Variants in RP1 observed in about 807,000 individuals in gnomAD.
RP1 encodes the protein RP1 axonemal microtubule associated.
In RP1, 16 loss-of-function variants were observed where a neutral mutation model predicts 14.8. The ratio of observed to expected loss-of-function variants is 1.08; its 90% CI spans 0.73 to 1.65. The LOEUF (loss-of-function observed/expected upper bound fraction) is 1.65. Ranked by LOEUF, RP1 falls within the 40% of genes most tolerant of loss-of-function variation. RP1 has a pLI of 0.00. For missense variants in RP1, 2,631 were observed against 2,535.0 expected (o/e 1.04, Z -0.81); for synonymous variants, 876 against 883.6 (o/e 0.99, Z 0.15).
chr8:54,687,794 A>G (rs183078025), intron 12 of RP1, among the ~76,000 whole-genome samples: 1 of 152,230 alleles, frequency 6.6e-6, no homozygotes, highest in African/African-American at 2.4e-5. Context: ...TCTTTATAGC[A>G]GAATGACTTA....
At chr8:54,822,439 A>G (rs1004407081) in intron 24 of RP1, among the ~76,000 whole-genome samples, 2 of 152,222 alleles carry the variant, frequency 1.3e-5, no homozygotes, top group Non-Finnish European at 2.9e-5. Context: ...AGAAAAAACA[A>G]ATTATTAACA....
At chr8:54,782,432 A>G (rs1246088200) in intron 23 of RP1, among the ~76,000 whole-genome samples, 1 of 152,208 alleles carries the variant, frequency 6.6e-6, no homozygotes, top group East Asian at 1.9e-4. Context: ...AGAAAATCAC[A>G]TCTTAATGAA....
At chr8:54,570,685 C>T (rs542398977) in intron 1 of RP1, among the ~76,000 whole-genome samples, 103 of 151,230 alleles carry the variant, frequency 6.8e-4, no homozygotes, top group Non-Finnish European at 1.1e-3. Context: ...AACAAACACA[C>T]GGAACACATT....
chr8:54,707,321 G>A (rs1808175359), intron 15 of RP1, among the ~76,000 whole-genome samples: 1 of 151,854 alleles, frequency 6.6e-6, no homozygotes, highest in African/African-American at 2.4e-5. Context: ...AGAGGGTCTC[G>A]CCATGTTGCC....
intron 27 of RP1, among the ~76,000 whole-genome samples, chr8:54,862,096 A>T (rs1379719364): frequency 6.6e-6 from 1 of 152,122 alleles, no homozygotes; most frequent in Non-Finnish European, 1.5e-5. Context: ...ACCACAAGAG[A>T]GTCACACAAC....
intron 12 of RP1, among the ~76,000 whole-genome samples, chr8:54,691,610 G>A (rs564304183): frequency 1.3e-5 from 2 of 151,890 alleles, no homozygotes; most frequent in South Asian, 2.1e-4. Flanking sequence ...CCCAGGGAGC[G>A]AGAAGAAGAG....
chr8:54,857,067 T>C (rs754266320), exon 27 of RP1: 14 of 1,222,654 alleles, frequency 1.1e-5, no homozygotes, highest in Non-Finnish European at 1.3e-5. Flanking sequence ...TCTCGGAAAA[T>C]TGAAGAAAGT....
At chr8:54,720,630 ATGAGGC>A (rs1808512292) in intron 16 of RP1, among the ~76,000 whole-genome samples, 1 of 152,140 alleles carries the variant, frequency 6.6e-6, no homozygotes. Flanking sequence ...CCTGAGAGGG[ATGAGGC>A]TGTTAGAAAT....
intron 1 of RP1, among the ~76,000 whole-genome samples, chr8:54,599,890 C>T (rs1805234904): frequency 6.6e-6 from 1 of 152,110 alleles, no homozygotes; most frequent in South Asian, 2.1e-4. Context: ...TTTTAGAAGA[C>T]CTCCTTTGAC....
At chr8:54,791,333 A>G (rs1352311054) in intron 24 of RP1, among the ~76,000 whole-genome samples, 1 of 152,172 alleles carries the variant, frequency 6.6e-6, no homozygotes. Flanking sequence ...CTTACAAGAA[A>G]TACTCAAGGA....
chr8:54,791,751 C>A (rs1810470756), intron 24 of RP1, among the ~76,000 whole-genome samples: 2 of 151,584 alleles, frequency 1.3e-5, no homozygotes, highest in African/African-American at 4.8e-5. Context: ...TCAAAGAATA[C>A]CAACACAAAA....
chr8:54,741,705 GTGTATATATA>G lies in RP1; in HGVS notation c.2808+2678_2808+2687del, dbSNP rs1173555248. ...TATGTACATATAAATACAAATGTGT[GTGTATATATA>G]TATATATATATATATATATATATAT... is the stretch of plus-strand genomic sequence containing the variant. On this transcript the variant is annotated intron_variant, in intron 19 of 22. Transcript: ENST00000636932. Among the ~76,000 whole-genome samples the G allele has an allele frequency of 9.1e-4, 69 of 75,902 alleles. 1 individual carries two copies. The highest frequency in any genetic ancestry group is 3.7e-3 in the African/African-American group (63 of 16,946). 49.8% of individuals were successfully genotyped at this position (75,902 alleles called of 152,430 possible).
At chr8:54,826,581 T>C (rs1300920812) in intron 24 of RP1, among the ~76,000 whole-genome samples, 1 of 146,186 alleles carries the variant, frequency 6.8e-6, no homozygotes, top group African/African-American at 2.5e-5. Context: ...TTTAAACTCC[T>C]ATGAAAATTG....
intron 12 of RP1, among the ~76,000 whole-genome samples, chr8:54,693,904 A>G (rs1807785457): frequency 6.6e-6 from 1 of 152,152 alleles, no homozygotes; most frequent in African/African-American, 2.4e-5. Flanking sequence ...GCCAGTTTTC[A>G]AAGGGAATGC....
chr8:54,793,871 G>T (rs1810522898), intron 24 of RP1, among the ~76,000 whole-genome samples: 1 of 151,854 alleles, frequency 6.6e-6, no homozygotes, highest in South Asian at 2.1e-4. Flanking sequence ...CAGAGAGAAG[G>T]AAGTAAAATC....
At chr8:54,815,804 T>C (rs1811121783) in intron 24 of RP1, among the ~76,000 whole-genome samples, 1 of 152,188 alleles carries the variant, frequency 6.6e-6, no homozygotes, top group African/African-American at 2.4e-5. Flanking sequence ...TTGCTAATGT[T>C]AATAATTTTC....
At chr8:54,861,992 C>A (rs567427286) in intron 27 of RP1, among the ~76,000 whole-genome samples, 2 of 152,162 alleles carry the variant, frequency 1.3e-5, no homozygotes, top group Non-Finnish European at 2.9e-5. Context: ...GGACATTTGA[C>A]AATGTCTGGA....
chr8:54,745,925 T>G (rs1055194618), intron 19 of RP1, among the ~76,000 whole-genome samples: 2 of 152,126 alleles, frequency 1.3e-5, no homozygotes, highest in East Asian at 3.8e-4. Context: ...TTTTTAGTAT[T>G]GATAGAAAAA....
At chr8:54,596,179 G>A (rs373916304) in intron 1 of RP1, among the ~76,000 whole-genome samples, 75 of 152,216 alleles carry the variant, frequency 4.9e-4, no homozygotes, top group African/African-American at 1.7e-3. Flanking sequence ...AATCAGGATC[G>A]CTGTGAATTT....
Sources: allele counts gnomAD v4.1 joint callset (sites outside exome capture counted in the v4.1 genomes callset), GRCh38; gene constraint gnomAD v4.1.1; transcripts MANE v1.5; gene names NCBI Gene and HGNC (gene_info 2026-07-23, HGNC 2026-07-21).